The following ZNF385D variants were observed in gnomAD, a reference collection of about 807,000 sequenced individuals.
ZNF385D encodes the protein zinc finger protein 385D.
ZNF385D carries 15 observed loss-of-function variants against 35.8 expected under a neutral mutation model. That is an observed-to-expected ratio of 0.42 (90% CI 0.28 to 0.64). The LOEUF (loss-of-function observed/expected upper bound fraction) is 0.64, where lower values mean the gene tolerates loss of function less well. Ranked by LOEUF, ZNF385D falls within the 30% of genes least tolerant of loss-of-function variation. The pLI is 0.23. For synonymous variants in ZNF385D, 212 were observed against 186.8 expected (o/e 1.13, Z -1.10); for missense variants, 474 against 494.6 (o/e 0.96, Z 0.39).
rs1317205930 is a variant in ZNF385D, at chr3:22,238,627, T to C, written c.107-69592A>G. Among the ~76,000 whole-genome samples, 4 of 151,206 alleles carry C rather than the reference T, an allele frequency of 2.6e-5. No individual in the cohort carries two copies. The South Asian group carries it at 8.6e-4, about 32-fold the overall frequency. Reference sequence around the variant, plus strand: ...TAGAAATACAGTTGATTTTTATCTATTGATCTTTTATCCTTCAATCTTACA... The same window carrying C: ...TAGAAATACAGTTGATTTTTATCTACTGATCTTTTATCCTTCAATCTTACA... On this transcript the variant is annotated intron_variant, in intron 2 of 5. Transcript: ENST00000494108.
chr3:21,955,915 ATGGATCAGGTCTGAAATCCCAGCAATT>A (rs1702262355), intron 3 of ZNF385D, among the ~76,000 whole-genome samples: 1 of 152,034 alleles, frequency 6.6e-6, no homozygotes, highest in African/African-American at 2.4e-5. Context: ...GCCAGGCATA[ATGGATCAGGTCTGAAATCCCAGCAATT>A]TGGGAGGCCC....
chr3:22,050,189 G>A (rs1360659780), intron 3 of ZNF385D, among the ~76,000 whole-genome samples: 2 of 150,256 alleles, frequency 1.3e-5, no homozygotes, highest in Non-Finnish European at 1.5e-5. Flanking sequence ...AAAAAAGGAA[G>A]ATTGGGTTTA....
At chr3:22,167,150 C>A (rs1397319989) in intron 3 of ZNF385D, among the ~76,000 whole-genome samples, 2 of 152,186 alleles carry the variant, frequency 1.3e-5, no homozygotes, top group Non-Finnish European at 2.9e-5. Context: ...AAGTCAAATC[C>A]ATGGACTGGA....
rs190770207 is a variant in ZNF385D, at chr3:21,527,298, T to C, written c.277-16275A>G. Among the ~76,000 whole-genome samples, 11 of 152,326 alleles carry C rather than the reference T, an allele frequency of 7.2e-5. No individual in the cohort carries two copies. In the East Asian group the frequency reaches 1.3e-3, roughly 19 times the overall value. ...ATTTCTTCATTTGACGAAGATTTCT[T>C]GGTTTACATCCTCATGATGGTTGGC... On this transcript the variant is annotated intron_variant, in intron 3 of 7. Coordinates refer to ENST00000281523, the MANE Select transcript of ZNF385D (RefSeq NM_024697.3).
chr3:21,849,648 ATCAT>A (rs1696256223), intron 3 of ZNF385D: 1 of 121,152 alleles, frequency 8.3e-6, no homozygotes, highest in Non-Finnish European at 1.7e-5. Context: ...CGCTCTACAC[ATCAT>A]TACCTCTGGT....
At chr3:21,855,467 G>C (rs1022588326) in intron 3 of ZNF385D, among the ~76,000 whole-genome samples, 6 of 151,910 alleles carry the variant, frequency 3.9e-5, no homozygotes, top group Admixed American at 6.6e-5. Context: ...ATCTTCCTCG[G>C]CATCTCTACT....
At chr3:22,073,214 A>T (rs1164628075) in intron 3 of ZNF385D, among the ~76,000 whole-genome samples, 1 of 152,002 alleles carries the variant, frequency 6.6e-6, no homozygotes, top group African/African-American at 2.4e-5. Flanking sequence ...CAAATAATTA[A>T]TTAAAATCAT....
chr3:21,745,436 A>G (rs573283047), intron 1 of ZNF385D, among the ~76,000 whole-genome samples: 4 of 152,300 alleles, frequency 2.6e-5, no homozygotes, highest in African/African-American at 7.2e-5. Flanking sequence ...GTTCATATGC[A>G]ATCAGGGCTG....
At chr3:22,329,889 G>A (rs1694856482) in intron 2 of ZNF385D, among the ~76,000 whole-genome samples, 1 of 152,152 alleles carries the variant, frequency 6.6e-6, no homozygotes, top group African/African-American at 2.4e-5. Flanking sequence ...AATATGGTAT[G>A]TGTTTTACAC....
chr3:21,435,012 T>C (rs1701481629), intron 5 of ZNF385D, among the ~76,000 whole-genome samples: 1 of 152,080 alleles, frequency 6.6e-6, no homozygotes, highest in South Asian at 2.1e-4. Context: ...AACACTGAAG[T>C]TTTATTTATT....
chr3:22,074,300 A>T (rs1700365004), intron 3 of ZNF385D, among the ~76,000 whole-genome samples: 1 of 152,002 alleles, frequency 6.6e-6, no homozygotes, highest in African/African-American at 2.4e-5. Flanking sequence ...AGAAATAATT[A>T]GATACATAGT....
At chr3:21,484,056 T>G (rs1295484707) in intron 4 of ZNF385D, among the ~76,000 whole-genome samples, 1 of 152,132 alleles carries the variant, frequency 6.6e-6, no homozygotes, top group Non-Finnish European at 1.5e-5. Context: ...TTAATGACGA[T>G]TGTATAGTAA....
rs113341414 is a variant in ZNF385D, at chr3:22,349,272, C to T, written c.106+23178G>A. ...TGAATAGTAGCAGCAGCAGAAGAAT[C>T]TCAAGTTGAACCTAGATAATTACAG... On this transcript the variant is annotated intron_variant, in intron 2 of 5. Transcript: ENST00000494108. Among the ~76,000 whole-genome samples, 34 of 152,288 alleles carry T rather than the reference C, an allele frequency of 2.2e-4. 2 individuals are homozygous for T. The highest frequency in any genetic ancestry group is 7.9e-4 in the African/African-American group (33 of 41,568).
At chr3:21,943,980 A>T (rs1203968260) in intron 3 of ZNF385D, among the ~76,000 whole-genome samples, 1 of 152,244 alleles carries the variant, frequency 6.6e-6, no homozygotes, top group Non-Finnish European at 1.5e-5. Context: ...AAACCTAGTG[A>T]ACCATGGAAT....
chr3:22,318,063 G>GAA (rs111562534), intron 2 of ZNF385D, among the ~76,000 whole-genome samples: 5 of 136,058 alleles, frequency 3.7e-5, no homozygotes, highest in African/African-American at 1.3e-4. Context: ...GTTTCAAAAA[G>GAA]AAAAAAAAAA....
At chr3:21,554,271 C>A (rs946285190) in intron 3 of ZNF385D, among the ~76,000 whole-genome samples, 1 of 152,182 alleles carries the variant, frequency 6.6e-6, no homozygotes, top group African/African-American at 2.4e-5. Context: ...CAACATGAAT[C>A]TTCTTGAACA....
At chr3:22,003,039 A>G (rs1306231571) in intron 3 of ZNF385D, among the ~76,000 whole-genome samples, 1 of 152,206 alleles carries the variant, frequency 6.6e-6, no homozygotes, top group African/African-American at 2.4e-5. Context: ...CACTCTTACC[A>G]CTCTTACTCA....
At chr3:21,813,518 G>C (rs976123788) in intron 3 of ZNF385D, among the ~76,000 whole-genome samples, 1 of 152,154 alleles carries the variant, frequency 6.6e-6, no homozygotes, top group Non-Finnish European at 1.5e-5. Context: ...TGACCTGATG[G>C]AGCTGAAAAC....
rs573986743 is a variant in ZNF385D, at chr3:22,315,732, T to C, written c.106+56718A>G. ...TGCCTCACAGGCTGGCTGTTCTCAGTCATTCCCAGGAAAAAGCCAAGCTCA... is the reference window on the plus strand; with the variant it reads ...TGCCTCACAGGCTGGCTGTTCTCAGCCATTCCCAGGAAAAAGCCAAGCTCA... On this transcript the variant is annotated intron_variant, in intron 2 of 5. Transcript: ENST00000494108. 5.8e-4 allele frequency among the ~76,000 whole-genome samples: 89 copies of C among 152,300 alleles called. 1 individual carries two copies. The highest frequency in any genetic ancestry group is 2.1e-3 in the African/African-American group (86 of 41,580).
Sources: allele counts gnomAD v4.1 joint callset (sites outside exome capture counted in the v4.1 genomes callset), GRCh38; gene constraint gnomAD v4.1.1; transcripts MANE v1.5; gene names NCBI Gene and HGNC (gene_info 2026-07-23, HGNC 2026-07-21).